The following MGAT4C variants were observed in gnomAD, a reference collection of about 807,000 sequenced individuals.
The protein encoded by MGAT4C is MGAT4 family member C, also known as alpha-1,3-mannosyl-glycoprotein 4-beta-N-acetylglucosaminyltransferase C.
A neutral mutation model predicts 40.1 loss-of-function variants in MGAT4C; 19 were observed. That is an observed-to-expected ratio of 0.47 (90% CI 0.33 to 0.70). MGAT4C has a LOEUF of 0.70. Ranked by LOEUF, MGAT4C falls within the 30% of genes least tolerant of loss-of-function variation. MGAT4C has a pLI of 0.02. For synonymous variants in MGAT4C, 181 were observed against 187.1 expected (o/e 0.97, Z 0.27); for missense variants, 491 against 563.2 (o/e 0.87, Z 1.30).
At chr12:86,685,788 T>C (rs560466858) in intron 2 of MGAT4C, among the ~76,000 whole-genome samples, 2 of 152,282 alleles carry the variant, frequency 1.3e-5, no homozygotes, top group African/African-American at 4.8e-5. Context: ...ATTCTCTTTG[T>C]AGCAATTGTG....
intron 1 of MGAT4C, among the ~76,000 whole-genome samples, chr12:86,167,498 A>T (rs1033781759): frequency 6.6e-6 from 1 of 152,190 alleles, no homozygotes; most frequent in African/African-American, 2.4e-5. Flanking sequence ...CACAAACTGG[A>T]CAATTTATAA....
Position 86,451,425 on chromosome 12 carries a change from A to C in MGAT4C, c.-228-16160T>G, listed in dbSNP as rs113514334. Among the ~76,000 whole-genome samples, 1,019 of 152,260 alleles carry C rather than the reference A, an allele frequency of 6.7e-3. 11 individuals carry two copies. Among genetic ancestry groups the C allele is most frequent in the African/African-American group, 0.023 (972 of 41,550 alleles). Reference sequence around the variant, plus strand: ...CCAGTCTCAGGTATTTCTTTATAGCAATGTGAGAACAAACTAATACACAAA... The same window carrying C: ...CCAGTCTCAGGTATTTCTTTATAGCCATGTGAGAACAAACTAATACACAAA... On this transcript the variant is annotated intron_variant, in intron 2 of 7. Coordinates refer to the MGAT4C transcript ENST00000548651.
intron 3 of MGAT4C, among the ~76,000 whole-genome samples, chr12:86,423,274 TA>T (rs1423572667): frequency 6.6e-6 from 1 of 151,856 alleles, no homozygotes; most frequent in Non-Finnish European, 1.5e-5. Flanking sequence ...AAAACACTAT[TA>T]AATATTAAAT....
chr12:86,838,473 A>C (rs1279342197), intron 1 of MGAT4C, among the ~76,000 whole-genome samples: 5 of 152,154 alleles, frequency 3.3e-5, no homozygotes, highest in South Asian at 2.1e-4. Context: ...AATGCAATTC[A>C]AACTATATTC....
At chr12:86,621,488 G>T (rs1056021361) in intron 2 of MGAT4C, among the ~76,000 whole-genome samples, 1 of 152,044 alleles carries the variant, frequency 6.6e-6, no homozygotes, top group African/African-American at 2.4e-5. Context: ...TGGCTGGTTG[G>T]TTGGTTTTGA....
intron 2 of MGAT4C, among the ~76,000 whole-genome samples, chr12:86,559,104 T>G (rs534007667): frequency 2.6e-5 from 4 of 151,728 alleles, no homozygotes; most frequent in Admixed American, 6.6e-5. Flanking sequence ...AAAAAGATTA[T>G]CATATAATAA....
At chr12:86,218,872 A>G (rs1303620818) in intron 1 of MGAT4C, among the ~76,000 whole-genome samples, 3 of 152,166 alleles carry the variant, frequency 2.0e-5, no homozygotes, top group Admixed American at 2.0e-4. Flanking sequence ...GAGAAACAAA[A>G]CTGGTATTTA....
chr12:86,637,520 T>C (rs1963256947), intron 2 of MGAT4C, among the ~76,000 whole-genome samples: 1 of 151,958 alleles, frequency 6.6e-6, no homozygotes, highest in African/African-American at 2.4e-5. Flanking sequence ...TCCTCCACTT[T>C]CTGGAATTCC....
chr12:86,348,520 T>A (rs1955088823), intron 3 of MGAT4C, among the ~76,000 whole-genome samples: 1 of 152,110 alleles, frequency 6.6e-6, no homozygotes, highest in Admixed American at 6.6e-5. Flanking sequence ...CACAAAAGGA[T>A]GTATTTCAAA....
At chr12:86,510,465 G>T (rs547947143) in intron 2 of MGAT4C, among the ~76,000 whole-genome samples, 10 of 152,254 alleles carry the variant, frequency 6.6e-5, no homozygotes, top group Admixed American at 5.2e-4. Flanking sequence ...ACATCATAAT[G>T]ACAGGATCAA....
At chr12:86,768,046 G>A (rs1951549077) in intron 1 of MGAT4C, among the ~76,000 whole-genome samples, 1 of 152,142 alleles carries the variant, frequency 6.6e-6, no homozygotes, top group African/African-American at 2.4e-5. Flanking sequence ...GAAATAAAGA[G>A]TATTCAATTA....
Position 86,235,588 on chromosome 12 carries a change from TTCTC to T in MGAT4C, c.-57+20647_-57+20650del, listed in dbSNP as rs144037060. On this transcript the variant is annotated intron_variant, in intron 1 of 4. Transcript: ENST00000611864. ...TCAGGTTGATATGGAATATAAATTG[TTCTC>T]TCTATCTCTGAGTGTTTGTATATGC... 0.02 allele frequency among the ~76,000 whole-genome samples: 3,048 copies of T among 152,148 alleles called. 211 individuals are homozygous for T. The East Asian group carries it at 0.24, about 12-fold the overall frequency.
At chr12:86,162,268 G>A (rs1885675139) in intron 1 of MGAT4C, among the ~76,000 whole-genome samples, 1 of 152,032 alleles carries the variant, frequency 6.6e-6, no homozygotes, top group African/African-American at 2.4e-5. Flanking sequence ...TAATAGACTG[G>A]ATAAAGAAAA....
chr12:86,452,790 C>G (rs1957448215), intron 2 of MGAT4C, among the ~76,000 whole-genome samples: 1 of 152,052 alleles, frequency 6.6e-6, no homozygotes, highest in African/African-American at 2.4e-5. Flanking sequence ...GTGTTTGTCT[C>G]CCTAGTCCAG....
At chr12:86,773,940 A>G (rs1951682262) in intron 1 of MGAT4C, among the ~76,000 whole-genome samples, 2 of 137,502 alleles carry the variant, frequency 1.5e-5, no homozygotes, top group Admixed American at 1.7e-4. Context: ...TTTTTAAAGT[A>G]ACTTCTTTTT....
intron 3 of MGAT4C, among the ~76,000 whole-genome samples, chr12:86,421,177 C>T (rs1956819405): frequency 6.6e-6 from 1 of 151,992 alleles, no homozygotes; most frequent in African/African-American, 2.4e-5. Context: ...CTCTACATGG[C>T]AGAAGTAAAA....
chr12:86,590,817 T>C (rs1207565254), intron 2 of MGAT4C, among the ~76,000 whole-genome samples: 1 of 151,956 alleles, frequency 6.6e-6, no homozygotes, highest in African/African-American at 2.4e-5. Context: ...TGGAGGCAGA[T>C]TGCATTATGA....
At chr12:86,495,210 C>T (rs928903142) in intron 2 of MGAT4C, 1 of 152,008 alleles carries the variant, frequency 6.6e-6, no homozygotes, top group Admixed American at 6.6e-5. Context: ...GCAGACCACA[C>T]ACAACATTTA....
rs1958131503 is a variant in MGAT4C, at chr12:86,491,418, C to T, written c.-228-56153G>A. Among the ~76,000 whole-genome samples the T allele has an allele frequency of 2.6e-5, 4 of 152,184 alleles. No homozygotes were observed. The South Asian group carries it at 8.3e-4, about 32-fold the overall frequency. On this transcript the variant is annotated intron_variant, in intron 2 of 7. Transcript: ENST00000548651. ...TTAATAAAATACTGGCAAACTGAAT[C>T]CAGCAGCACATCAAAAAGCTTATCC...
Sources: allele counts gnomAD v4.1 joint callset (sites outside exome capture counted in the v4.1 genomes callset), GRCh38; gene constraint gnomAD v4.1.1; transcripts MANE v1.5; gene names NCBI Gene and HGNC (gene_info 2026-07-23, HGNC 2026-07-21).